Variants in AZIN1 observed in about 807,000 individuals in gnomAD.
AZIN1 encodes antizyme inhibitor 1.
AZIN1 carries 12 observed loss-of-function variants against 47.4 expected under a neutral mutation model. The observed-to-expected ratio is 0.25, with a 90% CI of 0.16 to 0.41. The LOEUF (loss-of-function observed/expected upper bound fraction) is 0.41. Ranked by LOEUF, AZIN1 falls within the 10% of genes least tolerant of loss-of-function variation. The pLI, the probability that AZIN1 is intolerant of heterozygous loss-of-function variation, is 1.00. For missense variants in AZIN1, 410 were observed against 532.4 expected, an observed-to-expected ratio of 0.77 and a Z score of 2.26; for synonymous variants, 155 against 176.3, an observed-to-expected ratio of 0.88 and a Z score of 0.96.
intron 2 of AZIN1, among the ~76,000 whole-genome samples, chr8:102,854,185 G>A (rs1010706955): frequency 5.9e-5 from 9 of 151,742 alleles, no homozygotes; most frequent in Non-Finnish European, 1.2e-4. Context: ...ATGATCTGCC[G>A]GCCTCAGCCT....
intron 11 of AZIN1, among the ~76,000 whole-genome samples, 191 bp from the exon 12 acceptor site, chr8:102,828,869 C>G (rs1445785075): frequency 6.6e-6 from 1 of 152,194 alleles, no homozygotes; most frequent in Non-Finnish European, 1.5e-5. Context: ...CTGTGGTATA[C>G]CGTAAAATTA....
chr8:102,836,126 A>C, intron 6 of AZIN1, 130 bp downstream of exon 6: 1 of 978,818 alleles, frequency 1.0e-6, no homozygotes, highest in Non-Finnish European at 1.5e-6. Context: ...AAACACATAC[A>C]TGTGTGTTAA....
At chr8:102,842,968 G>A (rs1314859379) in intron 3 of AZIN1, among the ~76,000 whole-genome samples, 2 of 151,874 alleles carry the variant, frequency 1.3e-5, no homozygotes, top group African/African-American at 4.8e-5. Flanking sequence ...TGTAATCCCA[G>A]CACTTCAGGA....
At chr8:102,857,905 C>G in intron 2 of AZIN1, 108 bp downstream of exon 2, 1 of 396,928 alleles carries the variant, frequency 2.5e-6, no homozygotes, top group Admixed American at 4.4e-5. Context: ...AGTCACTGCA[C>G]TTTAAGAGGT....
At chr8:102,843,518 T>C in intron 3 of AZIN1, 33 bp downstream of exon 3, 1 of 1,565,972 alleles carries the variant, frequency 6.4e-7, no homozygotes, top group Non-Finnish European at 8.8e-7. Flanking sequence ...GCTTGGAAAA[T>C]GACAAACACT....
intron 4 of AZIN1, 74 bp from the exon 5 acceptor site, chr8:102,838,990 T>C (rs995903288): frequency 1.5e-5 from 20 of 1,332,738 alleles, no homozygotes; most frequent in African/African-American, 4.4e-5. Context: ...TCTAATACTA[T>C]TACCCCCACC....
chr8:102,841,800 A>AT (rs1352283490), intron 3 of AZIN1, among the ~76,000 whole-genome samples: 13 of 103,942 alleles, frequency 1.3e-4, no homozygotes, highest in South Asian at 6.5e-4. Context: ...TAATATATAT[A>AT]TATATAAAAA....
At chr8:102,856,300 A>G (rs920918443) in intron 2 of AZIN1, among the ~76,000 whole-genome samples, 1 of 152,182 alleles carries the variant, frequency 6.6e-6, no homozygotes, top group Non-Finnish European at 1.5e-5. Flanking sequence ...CATAATATGC[A>G]TTGTACCCGG....
At chr8:102,862,374 T>A (rs1191284252) in intron 1 of AZIN1, among the ~76,000 whole-genome samples, 1 of 152,144 alleles carries the variant, frequency 6.6e-6, no homozygotes, top group Non-Finnish European at 1.5e-5. Flanking sequence ...TATAACTCTT[T>A]TTCACCTTCT....
At chr8:102,832,946 A>T in intron 9 of AZIN1, 110 bp downstream of exon 9, 1 of 1,007,264 alleles carries the variant, frequency 9.9e-7, no homozygotes, top group Non-Finnish European at 1.5e-6. Flanking sequence ...GGCCAGTTTT[A>T]AGATTTTTAA....
intron 4 of AZIN1, 50 bp downstream of exon 4, chr8:102,839,598 TAA>T (rs1473842473): frequency 3.0e-6 from 4 of 1,327,918 alleles, no homozygotes; most frequent in African/African-American, 3.0e-5. Context: ...GTAACTACAT[TAA>T]GTTAAATTAT....
chr8:102,836,435 C>T (rs779764680), intron 5 of AZIN1, 45 bp from the exon 6 acceptor site: 2 of 1,589,318 alleles, frequency 1.3e-6, no homozygotes, highest in East Asian at 2.2e-5. Flanking sequence ...TTTACATCAT[C>T]ATCAGCACAT....
At chr8:102,836,195 A>G in intron 6 of AZIN1, 61 bp downstream of exon 6, 1 of 1,516,092 alleles carries the variant, frequency 6.6e-7, no homozygotes, top group Non-Finnish European at 9.0e-7. Context: ...ATCAATAACC[A>G]GAAAGACAGG....
rs34290831 is a variant in AZIN1, at chr8:102,832,643, A to ATTT, written c.904+410_904+412dup. Among the ~76,000 whole-genome samples, 32 of 147,032 alleles carry ATTT rather than the reference A, an allele frequency of 2.2e-4. 1 individual carries two copies. The highest frequency in any genetic ancestry group is 4.3e-4 in the South Asian group (2 of 4,646). On this transcript the variant is annotated intron_variant, in intron 9 of 11. Coordinates refer to ENST00000337198, the MANE Select transcript of AZIN1 (RefSeq NM_148174.4). The stretch of plus-strand genomic sequence containing the variant: ...TACGGAATGGGACCTTGGCTTTAAG[A>ATTT]TTTTTTTTTTTTTTGAGACGGAGTC...
In AZIN1 at chr8:102,829,305, G is replaced by A; in HGVS notation, c.1202C>T (p.Pro401Leu). 1 of 1,613,738 alleles carries A rather than the reference G, an allele frequency of 6.2e-7. No individual in the cohort carries two copies. The highest frequency in any genetic ancestry group is 8.5e-7 in the Non-Finnish European group (1 of 1,179,766). The change falls in exon 11 of 12, where the codon CCA (proline) becomes CTA (leucine). Residue 401 changes from proline (P) to leucine (L), a missense_variant. This residue lies in a region of AZIN1 where 168 missense variants were observed against 198.3 expected (regional missense o/e 0.85). Transcript: ENST00000337198. Reference sequence around the variant, plus strand: ...GAATGACATCATGTAATAAATGGCTGGCCTCTGAAAATCATTAAAAGCAGA... The same window carrying A: ...GAATGACATCATGTAATAAATGGCTAGCCTCTGAAAATCATTAAAAGCAGA... ...EPSAFNDFQR[P>L]AIYYMMSFSD...
intron 5 of AZIN1, 141 bp from the exon 6 acceptor site, chr8:102,836,531 G>T: frequency 1.1e-6 from 1 of 879,904 alleles, no homozygotes; most frequent in Non-Finnish European, 1.8e-6. Context: ...TGAACCTAAT[G>T]AAAAACAATC....
At position 102,836,463 on chromosome 8, in the gene AZIN1, T is replaced by A. The variant is rs1490013947; in HGVS notation, c.450-73A>T. 2.7e-6 allele frequency: 4 copies of A among 1,503,370 alleles called. No homozygotes were observed. The African/African-American group carries it at 5.6e-5, about 21-fold the overall frequency. The allele number at this position is 1,503,370 out of a possible 1,614,324, so 93.1% of individuals were successfully genotyped here. Reference sequence around the variant, plus strand: ...CAGCACATGTGAAGCCTGAAGATTGTAGGAAGTGTGTTGATTATGTTGCCA... The same window carrying A: ...CAGCACATGTGAAGCCTGAAGATTGAAGGAAGTGTGTTGATTATGTTGCCA... On this transcript the variant is annotated intron_variant, in intron 5 of 11. Transcript: ENST00000337198.
At chr8:102,831,156 A>G (rs1811430801) in intron 9 of AZIN1, among the ~76,000 whole-genome samples, 1 of 152,324 alleles carries the variant, frequency 6.6e-6, no homozygotes, top group East Asian at 1.9e-4. Flanking sequence ...ATACCAAAAA[A>G]TAACGAATTG....
chr8:102,828,483 TG>T lies in AZIN1; in HGVS notation c.*83del. 1 of 863,812 alleles carries T rather than the reference TG, an allele frequency of 1.2e-6. No individual in the cohort carries two copies. 53.5% of individuals were successfully genotyped at this position (863,812 alleles called of 1,614,324 possible). A position where few individuals can be genotyped will look rare whatever the true frequency, so the allele number is the denominator to read the frequency against. On this transcript the variant is annotated 3_prime_UTR_variant, in exon 12 of 12. Coordinates refer to ENST00000337198, the MANE Select transcript of AZIN1 (RefSeq NM_148174.4). Reference sequence around the variant, plus strand: ...GCCAAAAGAATTAAGAGAATAAGATTGTTTAAATTATTTTTCCACACTGGAA... The same window carrying T: ...GCCAAAAGAATTAAGAGAATAAGATTTTTAAATTATTTTTCCACACTGGAA...
Sources: gnomAD v4.1 joint callset for allele counts (sites outside exome capture counted in the v4.1 genomes callset) on GRCh38, gnomAD v4.1.1 for gene constraint, gnomAD v4.1.1 regional missense constraint, MANE v1.5 for transcripts, NCBI Gene and HGNC (gene_info 2026-07-23, HGNC 2026-07-21) for gene names.